Variants in ANKHD1 observed in about 807,000 individuals in gnomAD.
The protein encoded by ANKHD1 is ankyrin repeat and KH domain containing 1.
In ANKHD1, 31 loss-of-function variants were observed where a neutral mutation model predicts 230.5. The observed-to-expected ratio is 0.13, with a 90% CI of 0.10 to 0.18. The LOEUF is 0.18. ANKHD1 is among the 10% of genes least tolerant of loss of function. ANKHD1 has a pLI of 1.00. For synonymous variants in ANKHD1, 1,074 were observed against 1,117.6 expected, an observed-to-expected ratio of 0.96 and a Z score of 0.78; for missense variants, 2,256 against 3,071.3, an observed-to-expected ratio of 0.73 and a Z score of 6.27.
At chr5:140,493,343 G>A (rs933199431) in intron 14 of ANKHD1, among the ~76,000 whole-genome samples, 2 of 152,146 alleles carry the variant, frequency 1.3e-5, no homozygotes, top group African/African-American at 2.4e-5. Flanking sequence ...GGGATTACAG[G>A]TGTGAGCCAC....
chr5:140,468,641 G>A (rs1453710313), intron 10 of ANKHD1, among the ~76,000 whole-genome samples: 3 of 151,994 alleles, frequency 2.0e-5, no homozygotes, highest in South Asian at 2.1e-4. Context: ...ACAATATATT[G>A]TGTATCTCTC....
chr5:140,470,026 AT>A (rs1264878986), intron 10 of ANKHD1, among the ~76,000 whole-genome samples: 1 of 152,072 alleles, frequency 6.6e-6, no homozygotes, highest in Non-Finnish European at 1.5e-5. Flanking sequence ...TGTTGTATTT[AT>A]AAATGAATGT....
chr5:140,413,372 T>C, intron 1 of ANKHD1, among the ~76,000 whole-genome samples: 1 of 152,248 alleles, frequency 6.6e-6, no homozygotes, highest in East Asian at 1.9e-4. Flanking sequence ...ACTGTACATG[T>C]ATGTTAAATG....
chr5:140,514,047 T>A lies in ANKHD1; in HGVS notation c.4317+568T>A, dbSNP rs367781809. ...AAAAAGTTTAAAAAACAGTTGGGCA[T>A]GGTGGTACATGCCTGCAATCCTAGC... On this transcript the variant is annotated intron_variant, in intron 24 of 33. Transcript: ENST00000360839. Among the ~76,000 whole-genome samples, 35 of 151,390 alleles carry A rather than the reference T, an allele frequency of 2.3e-4. No homozygotes were observed. In the East Asian group the frequency reaches 6.3e-3, roughly 27 times the overall value.
intron 1 of ANKHD1, among the ~76,000 whole-genome samples, chr5:140,426,345 T>A (rs546111386): frequency 1.4e-3 from 219 of 152,238 alleles, no homozygotes; most frequent in African/African-American, 5.0e-3. Flanking sequence ...CCCAGGCTGG[T>A]CTTGAACTCC....
intron 17 of ANKHD1, 60 bp from the exon 18 acceptor site, chr5:140,505,664 G>T (rs1428133689): frequency 1.5e-5 from 23 of 1,534,864 alleles, no homozygotes; most frequent in Non-Finnish European, 2.0e-5. Context: ...ATTGTAAACA[G>T]TGGCTTTAAA....
chr5:140,524,860 T>C (rs529988243), intron 25 of ANKHD1: 157 of 174,820 alleles, frequency 9.0e-4, no homozygotes, highest in Middle Eastern at 5.8e-3. Context: ...TCCCAGCACT[T>C]TGGGAGGCCG....
At chr5:140,525,925 A>G in intron 25 of ANKHD1, 71 bp from the exon 26 acceptor site, 1 of 1,480,950 alleles carries the variant, frequency 6.8e-7, no homozygotes, top group South Asian at 1.4e-5. Flanking sequence ...TGAATTATCA[A>G]ATATATTCTG....
Position 140,535,394 on chromosome 5 carries a change from C to A in ANKHD1, c.6883C>A (p.Pro2295Thr), listed in dbSNP as rs1383958243. ...ATCCATTGACCCATCAGGCAGCTCC[C>A]CATCTTCCTCTTCTGCTCCTCTGGC... ...LPSIDPSGSSPSSSSAPLASF... is the reference protein window; with the variant it reads ...LPSIDPSGSSTSSSSAPLASF... The change falls in exon 30 of 34, where the codon CCA (proline) becomes ACA (threonine). Residue 2295 changes from proline (P) to threonine (T), a missense_variant. Pro to Thr is a conservative substitution (Grantham distance 38, BLOSUM62 -1). Transcript: ENST00000360839. 6 of 1,612,456 alleles carry A rather than the reference C, an allele frequency of 3.7e-6. No homozygotes were observed. Among genetic ancestry groups the A allele is most frequent in the Admixed American group, 1.7e-5 (1 of 59,608 alleles).
At chr5:140,436,017 T>C in intron 1 of ANKHD1, 87 bp from the exon 2 acceptor site, 1 of 1,330,168 alleles carries the variant, frequency 7.5e-7, no homozygotes. Flanking sequence ...TAAGTTCTAA[T>C]TAAGAAGTCA....
chr5:140,537,673 C>T, intron 31 of ANKHD1, 84 bp downstream of exon 31: 1 of 1,453,852 alleles, frequency 6.9e-7, no homozygotes, highest in Non-Finnish European at 9.1e-7. Context: ...TTAGAAAAAA[C>T]AAACAAAAAA....
chr5:140,457,973 C>T (rs1279681292), intron 7 of ANKHD1, among the ~76,000 whole-genome samples: 1 of 152,060 alleles, frequency 6.6e-6, no homozygotes, highest in East Asian at 1.9e-4. Flanking sequence ...GACTTACTGT[C>T]TATGCAGATA....
At chr5:140,525,901 AC>A in intron 25 of ANKHD1, 94 bp from the exon 26 acceptor site, 1 of 1,404,112 alleles carries the variant, frequency 7.1e-7, no homozygotes, top group Non-Finnish European at 9.4e-7. Context: ...ATGATGTAAA[AC>A]ACTGAATTAT....
intron 29 of ANKHD1, among the ~76,000 whole-genome samples, chr5:140,533,957 G>T (rs1323237469): frequency 6.6e-6 from 1 of 151,694 alleles, no homozygotes; most frequent in African/African-American, 2.4e-5. Flanking sequence ...AATTTTTTTT[G>T]TCAGGAAAGC....
At chr5:140,484,879 A>T in intron 11 of ANKHD1, 1 of 386,296 alleles carries the variant, frequency 2.6e-6, no homozygotes, top group Non-Finnish European at 4.1e-6. Flanking sequence ...GAGGCTGGGT[A>T]GTGACTGAAA....
chr5:140,525,876 T>G, intron 25 of ANKHD1, 120 bp from the exon 26 acceptor site: 1 of 1,216,600 alleles, frequency 8.2e-7, no homozygotes, highest in Non-Finnish European at 1.1e-6. Context: ...TAGTGAATAC[T>G]GGTGAAAGGA....
chr5:140,509,755 C>T lies in ANKHD1; in HGVS notation c.3884C>T (p.Ala1295Val). ...CCTGTGCCTTCCTCAAGAGATACTGCTTTAACAATAGCAGCAGACAAAGGT... is the reference window on the plus strand; with the variant it reads ...CCTGTGCCTTCCTCAAGAGATACTGTTTTAACAATAGCAGCAGACAAAGGT... ...APPVPSSRDTALTIAADKGHY... is the reference protein window; with the variant it reads ...APPVPSSRDTVLTIAADKGHY... The change falls in exon 21 of 34, where the codon GCT (alanine) becomes GTT (valine). Residue 1295 changes from alanine (A) to valine (V), a missense_variant. Ala to Val is a moderately conservative substitution (Grantham distance 64). Coordinates refer to ENST00000360839, the MANE Select transcript of ANKHD1 (RefSeq NM_017747.3). The T allele has an allele frequency of 6.2e-7, 1 of 1,612,770 alleles. No individual in the cohort carries two copies.
chr5:140,425,763 A>AT (rs1338508098), intron 1 of ANKHD1, among the ~76,000 whole-genome samples: 2 of 152,216 alleles, frequency 1.3e-5, no homozygotes, highest in African/African-American at 4.8e-5. Flanking sequence ...TTGGTGCTAA[A>AT]TTACAACAGT....
intron 1 of ANKHD1, among the ~76,000 whole-genome samples, chr5:140,432,841 C>G (rs1403039476): frequency 6.6e-6 from 1 of 151,994 alleles, no homozygotes; most frequent in Non-Finnish European, 1.5e-5. Flanking sequence ...GTAGCTGGGA[C>G]TACAGTTTTA....
Sources: allele counts gnomAD v4.1 joint callset (sites outside exome capture counted in the v4.1 genomes callset), GRCh38; gene constraint gnomAD v4.1.1; transcripts MANE v1.5; gene names NCBI Gene and HGNC (gene_info 2026-07-23, HGNC 2026-07-21).